MRRF: variants seen among roughly 807,000 people sequenced by gnomAD.
MRRF encodes ribosome-recycling factor, mitochondrial.
MRRF carries 18 observed loss-of-function variants against 25.1 expected under a neutral mutation model. That is an observed-to-expected ratio of 0.72 (90% CI 0.50 to 1.06). The LOEUF is 1.06. Ranked by LOEUF, MRRF falls within the 50% of genes least tolerant of loss-of-function variation. The pLI is 0.00. For synonymous variants in MRRF, 113 were observed against 112.1 expected (o/e 1.01, Z -0.05); for missense variants, 323 against 319.3 (o/e 1.01, Z -0.09).
At chr9:122,312,588 G>A (rs1835272836) in intron 5 of MRRF, among the ~76,000 whole-genome samples, 1 of 152,148 alleles carries the variant, frequency 6.6e-6, no homozygotes, top group Admixed American at 6.5e-5. Context: ...TCCATTTCAG[G>A]ACCCAGGGGG....
rs1460022804 is a variant in MRRF, at chr9:122,265,345, A to G, written c.-29+407A>G. ...TCAGACCTAGGGCTATCCGACTCCT[A>G]AGCCTGGACTTTTAACCACCACTCT... On this transcript the variant is annotated intron_variant, in intron 1 of 6. Transcript: ENST00000344641. 5 of 192,100 alleles carry G rather than the reference A, an allele frequency of 2.6e-5. No individual in the cohort carries two copies. The Admixed American group carries it at 2.8e-4, about 11-fold the overall frequency. 11.9% of individuals were successfully genotyped at this position (192,100 alleles called of 1,614,324 possible).
chr9:122,300,456 G>A (rs1185724569), intron 5 of MRRF, among the ~76,000 whole-genome samples: 1 of 152,122 alleles, frequency 6.6e-6, no homozygotes, highest in Non-Finnish European at 1.5e-5. Flanking sequence ...AAGAGTAATA[G>A]GATATTATAT....
At chr9:122,303,235 G>C (rs1036586092) in intron 5 of MRRF, among the ~76,000 whole-genome samples, 1 of 151,294 alleles carries the variant, frequency 6.6e-6, no homozygotes, top group African/African-American at 2.4e-5. Flanking sequence ...ACCATTGTCA[G>C]TATATCCTTC....
At chr9:122,269,312 CAG>C (rs1832310789) in intron 1 of MRRF, among the ~76,000 whole-genome samples, 1 of 152,020 alleles carries the variant, frequency 6.6e-6, no homozygotes, top group Non-Finnish European at 1.5e-5. Flanking sequence ...AAGTGATGCT[CAG>C]AAAAGAAGAG....
intron 3 of MRRF, among the ~76,000 whole-genome samples, chr9:122,282,537 A>G (rs1045802753): frequency 2.6e-5 from 4 of 152,268 alleles, no homozygotes; most frequent in African/African-American, 9.6e-5. Flanking sequence ...GGAGTTGGTC[A>G]GACCTGGGTT....
At position 122,270,910 on chromosome 9, in the gene MRRF, T is replaced by A. The variant is rs1832406168; in HGVS notation, c.19T>A (p.Cys7Ser). The stretch of plus-strand genomic sequence containing the variant: ...TTCAGTCATGGCCTTGGGATTAAAG[T>A]GCTTCCGCATGGTCCACCCTACCTT... Reference protein sequence around the residue: MALGLKCFRMVHPTFRN... With the variant: MALGLKSFRMVHPTFRN... Residue 7 changes from cysteine to serine, a missense_variant, in exon 2 of 7, where the codon TGC becomes AGC. Coordinates refer to ENST00000344641, the MANE Select transcript of MRRF (RefSeq NM_138777.5). 6.2e-7 allele frequency: 1 copy of A among 1,614,182 alleles called. No homozygotes were observed. Among genetic ancestry groups the A allele is most frequent in the African/African-American group, 1.3e-5 (1 of 75,060 alleles).
At chr9:122,283,591 A>T (rs535798596) in intron 3 of MRRF, among the ~76,000 whole-genome samples, 1 of 152,316 alleles carries the variant, frequency 6.6e-6, no homozygotes, top group East Asian at 1.9e-4. Context: ...GCTGTCAGCA[A>T]CCTTCTGTCT....
chr9:122,289,467 A>G (rs1232388379), intron 4 of MRRF, among the ~76,000 whole-genome samples: 1 of 152,108 alleles, frequency 6.6e-6, no homozygotes, highest in African/African-American at 2.4e-5. Context: ...AAAGGGAGGT[A>G]GTGGTGATGG....
chr9:122,316,165 A>G (rs371883494), intron 6 of MRRF, among the ~76,000 whole-genome samples: 1 of 152,126 alleles, frequency 6.6e-6, no homozygotes, highest in East Asian at 1.9e-4. Context: ...ATATCTTTCT[A>G]AACATATTAT....
intron 6 of MRRF, among the ~76,000 whole-genome samples, chr9:122,314,570 T>C (rs943863306): frequency 2.6e-5 from 4 of 152,214 alleles, no homozygotes; most frequent in African/African-American, 9.6e-5. Flanking sequence ...TTCCAGAGAT[T>C]GAGTCAATGA....
intron 1 of MRRF, among the ~76,000 whole-genome samples, chr9:122,265,990 G>A (rs188076482): frequency 6.6e-6 from 1 of 152,362 alleles, no homozygotes; most frequent in East Asian, 1.9e-4. Context: ...ACCAGAGACA[G>A]TGGAGGCAAC....
chr9:122,322,280 G>A (rs1167347825), intron 6 of MRRF, among the ~76,000 whole-genome samples: 2 of 151,946 alleles, frequency 1.3e-5, no homozygotes, highest in Non-Finnish European at 2.9e-5. Flanking sequence ...GGAGAATGGC[G>A]TGAACACAGG....
At chr9:122,288,427 A>G (rs1221412707) in intron 4 of MRRF, among the ~76,000 whole-genome samples, 1 of 152,202 alleles carries the variant, frequency 6.6e-6, no homozygotes, top group Non-Finnish European at 1.5e-5. Context: ...TAGATGAGGA[A>G]ACTGAGACTC....
intron 5 of MRRF, among the ~76,000 whole-genome samples, chr9:122,293,512 C>G (rs935086590): frequency 2.0e-5 from 3 of 152,184 alleles, no homozygotes; most frequent in African/African-American, 7.2e-5. Flanking sequence ...TTTCCTGCCT[C>G]GTGGCCAGAA....
chr9:122,287,289 A>G (rs1488315242), intron 4 of MRRF, among the ~76,000 whole-genome samples: 2 of 152,234 alleles, frequency 1.3e-5, no homozygotes, highest in Non-Finnish European at 2.9e-5. Context: ...AACACCAAAC[A>G]GTGCCTGGCA....
intron 1 of MRRF, among the ~76,000 whole-genome samples, chr9:122,269,505 G>A (rs1194085888): frequency 1.3e-5 from 2 of 152,090 alleles, no homozygotes; most frequent in South Asian, 2.1e-4. Context: ...CAGGTGGATT[G>A]CCTGAGCCCA....
At chr9:122,302,395 C>T (rs1344572285) in intron 5 of MRRF, among the ~76,000 whole-genome samples, 2 of 152,172 alleles carry the variant, frequency 1.3e-5, no homozygotes, top group Non-Finnish European at 2.9e-5. Flanking sequence ...ATTACTAATC[C>T]ACTTTTCTAT....
At chr9:122,319,307 T>C (rs35317312) in intron 6 of MRRF, among the ~76,000 whole-genome samples, 12,028 of 152,008 alleles carry the variant, frequency 0.079, 646 homozygotes, top group East Asian at 0.18. Context: ...CCCGCCACCA[T>C]GCCCGGCTAA....
At chr9:122,284,873 T>G (rs1185551317) in intron 3 of MRRF, among the ~76,000 whole-genome samples, 1 of 152,204 alleles carries the variant, frequency 6.6e-6, no homozygotes, top group Non-Finnish European at 1.5e-5. Context: ...AACCTCTACC[T>G]CTTGGGTTTG....
Sources: gnomAD v4.1 joint callset for allele counts (sites outside exome capture counted in the v4.1 genomes callset) on GRCh38, gnomAD v4.1.1 for gene constraint, MANE v1.5 for transcripts, NCBI Gene and HGNC (gene_info 2026-07-23, HGNC 2026-07-21) for gene names.